Variants in LRRC8C observed in about 807,000 individuals in gnomAD.
LRRC8C encodes leucine rich repeat containing 8 VRAC subunit C.
A neutral mutation model predicts 55.3 loss-of-function variants in LRRC8C; 20 were observed. The observed-to-expected ratio is 0.36, with a 90% CI of 0.25 to 0.53. The LOEUF (loss-of-function observed/expected upper bound fraction) is 0.53, where lower values mean the gene tolerates loss of function less well. LRRC8C is among the 20% of genes least tolerant of loss of function. The pLI, the probability that LRRC8C is intolerant of heterozygous loss-of-function variation, is 0.92. For synonymous variants in LRRC8C, 376 were observed against 360.7 expected (o/e 1.04, Z -0.48); for missense variants, 659 against 951.4 (o/e 0.69, Z 4.04).
upstream of LRRC8C, among the ~76,000 whole-genome samples, chr1:89,631,321 T>C (rs1357429420): frequency 6.6e-6 from 1 of 152,198 alleles, no homozygotes; most frequent in Non-Finnish European, 1.5e-5. Context: ...GATTTCATCC[T>C]GGTTCACCTG....
At chr1:89,701,282 C>A (rs1658315228) in intron 2 of LRRC8C, among the ~76,000 whole-genome samples, 1 of 152,094 alleles carries the variant, frequency 6.6e-6, no homozygotes, top group African/African-American at 2.4e-5. Context: ...TGAGACCATC[C>A]TGGCTAACAC....
At chr1:89,662,860 G>A (rs371799627) in intron 1 of LRRC8C, among the ~76,000 whole-genome samples, 579 of 152,068 alleles carry the variant, frequency 3.8e-3, no homozygotes, top group Non-Finnish European at 6.7e-3. Flanking sequence ...TCTGGGATAC[G>A]TGTGCAGAAC....
rs541280497 is a variant in LRRC8C at position 89,686,465 on chromosome 1, C to A, written c.-4-5C>A. 1 of 1,613,990 alleles carries A rather than the reference C, an allele frequency of 6.2e-7. No individual in the cohort carries two copies. The highest frequency in any genetic ancestry group is 2.2e-5 in the East Asian group (1 of 44,888). On this transcript the variant is annotated splice_region_variant and splice_polypyrimidine_tract_variant and intron_variant, in intron 1 of 2. Coordinates refer to ENST00000370454, the MANE Select transcript of LRRC8C (RefSeq NM_032270.5). ...TTGATTTACAAGTAATCTCTCCTTT[C>A]TCAGAAACATGATTCCCGTGACAGA... is the stretch of plus-strand genomic sequence containing the variant.
Position 89,705,475 on chromosome 1 carries a change from A to AAAAT in LRRC8C, c.139-7221_139-7218dup, listed in dbSNP as rs1164744901. On this transcript the variant is annotated intron_variant, in intron 2 of 2. Transcript: ENST00000370454. ...AACCAAAAATAAAATAAAATAAAATAAAATAAATAAATAAATGTTTTGGCC... is the reference window on the plus strand; with the variant it reads ...AACCAAAAATAAAATAAAATAAAATAAAATAAATAAATAAATAAATGTTTTGGCC... Among the ~76,000 whole-genome samples, 41 of 152,056 alleles carry AAAAT rather than the reference A, an allele frequency of 2.7e-4. 1 individual carries two copies. The highest frequency in any genetic ancestry group is 7.0e-4 in the African/African-American group (29 of 41,448).
At chr1:89,622,425 T>C in the LRRC8C span, among the ~76,000 whole-genome samples, 25 of 150,610 alleles carry the variant, frequency 1.7e-4, no homozygotes, top group Non-Finnish European at 2.7e-4. Flanking sequence ...CTCCGCCTCC[T>C]GGGTTCACGC....
upstream of LRRC8C, among the ~76,000 whole-genome samples, chr1:89,630,167 G>A (rs561765759): frequency 2.6e-5 from 4 of 152,140 alleles, no homozygotes; most frequent in South Asian, 2.1e-4. Flanking sequence ...AATTAATTAC[G>A]CCTTCAAGGA....
In LRRC8C at chr1:89,715,133, T is replaced by G. The variant is rs1043553741; in HGVS notation, c.*151T>G. 1 of 434,192 alleles carries G rather than the reference T, an allele frequency of 2.3e-6. No individual in the cohort carries two copies. Among genetic ancestry groups the G allele is most frequent in the Admixed American group, 4.1e-5 (1 of 24,328 alleles). The allele number at this position is 434,192 out of a possible 1,614,324, so 26.9% of individuals were successfully genotyped here. A position where few individuals can be genotyped will look rare whatever the true frequency, so the allele number is the denominator to read the frequency against. On this transcript the variant is annotated 3_prime_UTR_variant, in exon 3 of 3. Transcript: ENST00000370454. ...AGGAGTATGTATTTTTAATAAAAAT[T>G]TAATTGTATTTTTTCAATATTAATA...
chr1:89,717,512 C>T lies in LRRC8C; in HGVS notation c.*2530C>T, dbSNP rs1426354771. ...TAAGTTTTGATAACATCTGGTAAGT[C>T]AGTATAGTTCTGTGACTTCATGTTT... On this transcript the variant is annotated 3_prime_UTR_variant, in exon 3 of 3. Transcript: ENST00000370454. The T allele has an allele frequency of 6.6e-6, 1 of 152,032 alleles. No homozygotes were observed. The highest frequency in any genetic ancestry group is 2.4e-5 in the African/African-American group (1 of 41,378). The allele number at this position is 152,032 out of a possible 1,614,324, so 9.4% of individuals were successfully genotyped here.
At chr1:89,684,053 T>C (rs1329630162) in intron 1 of LRRC8C, among the ~76,000 whole-genome samples, 2 of 152,130 alleles carry the variant, frequency 1.3e-5, no homozygotes, top group Admixed American at 1.3e-4. Context: ...TGATGTATCT[T>C]GATGGATGAG....
intron 2 of LRRC8C, among the ~76,000 whole-genome samples, chr1:89,706,648 TA>T (rs1658489851): frequency 6.6e-6 from 1 of 152,188 alleles, no homozygotes. Context: ...AGTGCATCTC[TA>T]AATCTGATTG....
chr1:89,644,329 C>T (rs188444914), intron 1 of LRRC8C, among the ~76,000 whole-genome samples: 4 of 152,300 alleles, frequency 2.6e-5, no homozygotes, highest in African/African-American at 9.6e-5. Flanking sequence ...CACGTGCCAC[C>T]GCACCCGGCT....
chr1:89,638,144 T>C (rs1656346787), intron 1 of LRRC8C, among the ~76,000 whole-genome samples: 1 of 152,324 alleles, frequency 6.6e-6, no homozygotes, highest in Admixed American at 6.5e-5. Context: ...CTATATGTTC[T>C]TTAAAGAACC....
intron 1 of LRRC8C, among the ~76,000 whole-genome samples, chr1:89,653,268 TAAC>T (rs1306517346): frequency 2.0e-5 from 3 of 152,350 alleles, no homozygotes; most frequent in Middle Eastern, 3.4e-3. Context: ...AATTTTAAAA[TAAC>T]AATAATGCCA....
chr1:89,695,219 G>T (rs1009969090), intron 2 of LRRC8C, among the ~76,000 whole-genome samples: 1 of 152,122 alleles, frequency 6.6e-6, no homozygotes, highest in Non-Finnish European at 1.5e-5. Flanking sequence ...ACCGCGCCCG[G>T]CCCTATATAA....
Position 89,719,343 on chromosome 1 carries a change from C to T in LRRC8C, c.*4361C>T, listed in dbSNP as rs1208893708. ...TCAAACTCCATGACTTACGTGCTCA[C>T]TAAGTTTTCTTTTTTCCCCTTGTTT... On this transcript the variant is annotated 3_prime_UTR_variant, in exon 3 of 3. Coordinates refer to ENST00000370454, the MANE Select transcript of LRRC8C (RefSeq NM_032270.5). 1 of 152,074 alleles carries T rather than the reference C, an allele frequency of 6.6e-6. No individual in the cohort carries two copies. The highest frequency in any genetic ancestry group is 1.5e-5 in the Non-Finnish European group (1 of 68,022). The allele number at this position is 152,074 out of a possible 1,614,324, so 9.4% of individuals were successfully genotyped here.
chr1:89,704,717 A>C (rs1364569872), intron 2 of LRRC8C, among the ~76,000 whole-genome samples: 1 of 152,158 alleles, frequency 6.6e-6, no homozygotes. Flanking sequence ...TCAAAACCAC[A>C]ATGAGATACC....
At chr1:89,689,252 T>C (rs935627594) in intron 2 of LRRC8C, among the ~76,000 whole-genome samples, 2 of 152,210 alleles carry the variant, frequency 1.3e-5, no homozygotes, top group Admixed American at 6.5e-5. Flanking sequence ...CTCTGTAATG[T>C]TGAAGAAAAG....
chr1:89,686,263 A>G (rs979221614), intron 1 of LRRC8C, among the ~76,000 whole-genome samples: 1 of 152,118 alleles, frequency 6.6e-6, no homozygotes, highest in African/African-American at 2.4e-5. Flanking sequence ...TGGACAAGAA[A>G]AGGCAAGTAC....
At chr1:89,648,537 A>G (rs1656675319) in intron 1 of LRRC8C, among the ~76,000 whole-genome samples, 1 of 152,216 alleles carries the variant, frequency 6.6e-6, no homozygotes, top group South Asian at 2.1e-4. Flanking sequence ...GACAGGGTGA[A>G]CCAAAACACA....
Sources: allele counts gnomAD v4.1 joint callset (sites outside exome capture counted in the v4.1 genomes callset), GRCh38; gene constraint gnomAD v4.1.1; transcripts MANE v1.5; gene names NCBI Gene and HGNC (gene_info 2026-07-23, HGNC 2026-07-21).